The following CREBRF variants were observed in gnomAD, a reference collection of about 807,000 sequenced individuals.
CREBRF encodes UPF0474 protein C5orf41.
CREBRF carries 5 observed loss-of-function variants against 66.1 expected under a neutral mutation model. The observed-to-expected ratio is 0.08, with a 90% confidence interval of 0.04 to 0.16. The LOEUF is 0.16. Ranked by LOEUF, CREBRF falls within the 10% of genes least tolerant of loss-of-function variation. The pLI is 1.00. For missense variants in CREBRF, 531 were observed against 744.9 expected (o/e 0.71, Z 3.34); for synonymous variants, 229 against 264.4 (o/e 0.87, Z 1.30).
chr5:173,076,934 A>G (rs1581666921), intron 1 of CREBRF, among the ~76,000 whole-genome samples: 2 of 151,788 alleles, frequency 1.3e-5, no homozygotes, highest in East Asian at 1.9e-4. Flanking sequence ...ACATAGCAGT[A>G]TAAATTTATT....
chr5:173,081,418 C>T (rs1442026861), intron 2 of CREBRF, among the ~76,000 whole-genome samples: 1 of 152,128 alleles, frequency 6.6e-6, no homozygotes, highest in Non-Finnish European at 1.5e-5. Flanking sequence ...TTTTCTTCTC[C>T]AGTGTTTAGC....
At chr5:173,071,987 G>A (rs1757611999) in intron 1 of CREBRF, among the ~76,000 whole-genome samples, 1 of 152,076 alleles carries the variant, frequency 6.6e-6, no homozygotes. Flanking sequence ...CCTGGAAGGT[G>A]GAAGTTGCAG....
intron 1 of CREBRF, among the ~76,000 whole-genome samples, chr5:173,058,645 G>A (rs1301454693): frequency 2.0e-5 from 3 of 151,090 alleles, no homozygotes; most frequent in Non-Finnish European, 4.4e-5. Context: ...CATCACGCCC[G>A]GCTAATTTTT....
At chr5:173,091,834 C>T (rs754502220) in intron 4 of CREBRF, 51 of 973,416 alleles carry the variant, frequency 5.2e-5, no homozygotes, top group Non-Finnish European at 6.0e-5. Flanking sequence ...TTAGTAATCC[C>T]AGCACTTTGG....
At chr5:173,121,899 A>C (rs1209832612) in intron 7 of CREBRF, among the ~76,000 whole-genome samples, 1 of 151,968 alleles carries the variant, frequency 6.6e-6, no homozygotes, top group Admixed American at 6.6e-5. Context: ...TGTGGTACCT[A>C]GGCTGGAGCA....
intron 4 of CREBRF, among the ~76,000 whole-genome samples, chr5:173,100,200 T>C (rs1279506020): frequency 6.9e-6 from 1 of 144,602 alleles, no homozygotes; most frequent in Non-Finnish European, 1.5e-5. Flanking sequence ...GGTCTCAAAC[T>C]CTTGACCTCA....
At chr5:173,132,135 G>T (rs556245819) in intron 8 of CREBRF, among the ~76,000 whole-genome samples, 3 of 148,014 alleles carry the variant, frequency 2.0e-5, no homozygotes, top group Non-Finnish European at 4.5e-5. Flanking sequence ...GCCCAGGCTG[G>T]AGTGCGGTGG....
chr5:173,124,018 T>A (rs1396977296), intron 8 of CREBRF: 4 of 152,208 alleles, frequency 2.6e-5, no homozygotes, highest in African/African-American at 9.6e-5. Context: ...TTTCTTTCCT[T>A]TTATTTTTAA....
intron 1 of CREBRF, among the ~76,000 whole-genome samples, chr5:173,075,284 T>C (rs917165778): frequency 1.3e-5 from 2 of 152,196 alleles, no homozygotes; most frequent in Admixed American, 6.5e-5. Flanking sequence ...GGGTAAAATA[T>C]AGTGATTCAC....
chr5:173,108,292 G>C (rs1758794531), intron 4 of CREBRF, among the ~76,000 whole-genome samples: 1 of 152,042 alleles, frequency 6.6e-6, no homozygotes, highest in Non-Finnish European at 1.5e-5. Flanking sequence ...TGGTACTTTT[G>C]ATATTCCTAT....
chr5:173,113,694 C>T lies in CREBRF; in HGVS notation c.1681+1315C>T, dbSNP rs553443672. On this transcript the variant is annotated intron_variant, in intron 7 of 8. Coordinates refer to ENST00000296953, the MANE Select transcript of CREBRF (RefSeq NM_153607.3). ...AACCAAAGTGCTTCTCAGCATTTCA[C>T]ATTGTAGCACATGTAGAAAATTATC... 2.0e-5 allele frequency among the ~76,000 whole-genome samples: 3 copies of T among 152,316 alleles called. No homozygotes were observed. In the East Asian group the frequency reaches 5.8e-4, roughly 29 times the overall value.
chr5:173,098,080 G>T, intron 4 of CREBRF, among the ~76,000 whole-genome samples: 1 of 148,320 alleles, frequency 6.7e-6, no homozygotes, highest in African/African-American at 2.5e-5. Flanking sequence ...TTCCATTTTT[G>T]TTTGTCTCAA....
At position 173,123,144 on chromosome 5, in the gene CREBRF, A is replaced by C; in HGVS notation, c.1746A>C (p.Arg582Ser). 1 of 1,606,114 alleles carries C rather than the reference A, an allele frequency of 6.2e-7. No homozygotes were observed. Among genetic ancestry groups the C allele is most frequent in the Non-Finnish European group, 8.5e-7 (1 of 1,178,030 alleles). The change falls in exon 8 of 9, where the codon AGA becomes AGC. Residue 582 changes from arginine (R) to serine (S), a missense_variant. Arg to Ser is a moderately radical substitution (Grantham distance 110). Around this residue, in one of 5 missense-constraint regions of CREBRF, gnomAD observed 64 missense variants for 111.3 expected, o/e 0.58. Transcript: ENST00000296953. ...QEIVNRVQNP[R>S]DERGPNMGQK... ...TTGTAAACCGGGTACAGAATCCAAG[A>C]GATGAGAGAGGACCCAACATGGGGC...
rs1263988274 is a variant in CREBRF, at chr5:173,091,122, G to C, written c.943G>C (p.Glu315Gln). ...QEGPGSLAAG[E>Q]SSSLSASTSV... The stretch of plus-strand genomic sequence containing the variant: ...AGGTCCTGGGTCACTTGCAGCAGGA[G>C]AGAGCAGCAGTCTTTCTGCCAGTAC... Residue 315 changes from glutamate (E) to glutamine (Q), a missense_variant, in exon 4 of 9, where the codon GAG becomes CAG. Transcript: ENST00000296953. 1 of 1,614,232 alleles carries C rather than the reference G, an allele frequency of 6.2e-7. No individual in the cohort carries two copies. The highest frequency in any genetic ancestry group is 1.3e-5 in the African/African-American group (1 of 75,060).
chr5:173,086,171 AG>A (rs1374785649), intron 2 of CREBRF: 1 of 776,510 alleles, frequency 1.3e-6, no homozygotes, highest in African/African-American at 1.7e-5. Flanking sequence ...TTTTGCCAAC[AG>A]CACCATCACC....
chr5:173,087,257 AT>A, intron 3 of CREBRF, among the ~76,000 whole-genome samples: 1 of 151,954 alleles, frequency 6.6e-6, no homozygotes, highest in East Asian at 2.0e-4. Flanking sequence ...TAATTTTTGT[AT>A]TTTTAGTGCA....
intron 2 of CREBRF, among the ~76,000 whole-genome samples, chr5:173,085,011 C>T (rs373466981): frequency 5.7e-4 from 87 of 152,134 alleles, no homozygotes; most frequent in African/African-American, 1.9e-3. Flanking sequence ...GGCACAATTT[C>T]GGCTTACTGC....
At chr5:173,081,531 C>T (rs183055197) in intron 2 of CREBRF, among the ~76,000 whole-genome samples, 3 of 152,186 alleles carry the variant, frequency 2.0e-5, no homozygotes, top group South Asian at 4.1e-4. Flanking sequence ...CTGAGCTATC[C>T]CTTGAGCACA....
At chr5:173,109,000 T>A (rs1758812126) in intron 5 of CREBRF, 182 bp downstream of exon 5, 1 of 580,946 alleles carries the variant, frequency 1.7e-6, no homozygotes, top group Non-Finnish European at 3.0e-6. Context: ...TTACCAGTGT[T>A]AAGAGTCCTC....
Sources: gnomAD v4.1 joint callset for allele counts (sites outside exome capture counted in the v4.1 genomes callset) on GRCh38, gnomAD v4.1.1 for gene constraint, gnomAD v4.1.1 regional missense constraint, MANE v1.5 for transcripts, NCBI Gene and HGNC (gene_info 2026-07-23, HGNC 2026-07-21) for gene names.